Variants in AFF2 observed in about 807,000 individuals in gnomAD.
AFF2 encodes the protein ALF transcription elongation factor 2, also known as AF4/FMR2 family member 2.
A neutral mutation model predicts 76.9 loss-of-function variants in AFF2; 14 were observed. The observed-to-expected ratio is 0.18, with a 90% CI of 0.12 to 0.28. The LOEUF (loss-of-function observed/expected upper bound fraction) is 0.28. Among genes scored for constraint, AFF2 ranks in the 10% least tolerant of loss-of-function variants. The pLI is 1.00. For synonymous variants in AFF2, 398 were observed against 366.7 expected, an observed-to-expected ratio of 1.09 and a Z score of -0.98; for missense variants, 868 against 1,001.1, an observed-to-expected ratio of 0.87 and a Z score of 1.79.
chrX:148,970,444 G>C (rs1250127182), intron 15 of AFF2, among the ~76,000 whole-genome samples: 1 of 111,912 alleles, frequency 8.9e-6, no homozygotes, highest in African/African-American at 3.2e-5. Context: ...AATTAAAACA[G>C]CTAAATCTGC....
intron 4 of AFF2, among the ~76,000 whole-genome samples, chrX:148,823,517 AC>A (rs1213989100): frequency 9.8e-5 from 11 of 112,281 alleles, no homozygotes; most frequent in African/African-American, 3.6e-4. Flanking sequence ...ATATTAGACA[AC>A]ACAAAACTCA....
In AFF2 at chrX:148,955,968, C is replaced by A; in HGVS notation, c.1923C>A (p.Asp641Glu). Residue 641 changes from aspartate to glutamate, a missense_variant, in exon 11 of 21, where the codon GAC becomes GAA. This residue lies in a region of AFF2 where 532 missense variants were observed against 564.2 expected (regional missense o/e 0.94). Coordinates refer to ENST00000370460, the MANE Select transcript of AFF2 (RefSeq NM_002025.4). ...PKKVEKNTST[D>E]EFTWPKPNIT... ...AAGTTGAGAAGAACACCAGCACTGACGAGTTTACCTGGCCCAAACCAAATA... is the reference window on the plus strand; with the variant it reads ...AAGTTGAGAAGAACACCAGCACTGAAGAGTTTACCTGGCCCAAACCAAATA... The A allele has an allele frequency of 8.3e-7, 1 of 1,211,456 alleles. No individual in the cohort carries two copies. Among genetic ancestry groups the A allele is most frequent in the Non-Finnish European group, 1.1e-6 (1 of 895,478 alleles).
intron 1 of AFF2, among the ~76,000 whole-genome samples, chrX:148,611,800 T>A (rs1557249545): frequency 9.0e-6 from 1 of 111,651 alleles, no homozygotes; most frequent in Non-Finnish European, 1.9e-5. Flanking sequence ...CAGCCACTCA[T>A]TTGGCAGTTG....
At chrX:148,735,601 A>G (rs2055275805) in intron 3 of AFF2, among the ~76,000 whole-genome samples, 1 of 111,660 alleles carries the variant, frequency 9.0e-6, no homozygotes, top group Non-Finnish European at 1.9e-5. Flanking sequence ...GTTTCTTTTG[A>G]GTACCTAAAT....
chrX:148,691,012 A>G (rs1279277287), intron 3 of AFF2, among the ~76,000 whole-genome samples: 1 of 111,369 alleles, frequency 9.0e-6, no homozygotes, highest in Non-Finnish European at 1.9e-5. Context: ...ATATTCCCTC[A>G]TTTAATTTTA....
rs1313048378 is a variant in AFF2 at position 148,914,726 on chromosome X, A to G, written c.1397+10468A>G. 4.5e-5 allele frequency among the ~76,000 whole-genome samples: 5 copies of G among 112,238 alleles called. No homozygotes were observed. In the Admixed American group the frequency reaches 4.7e-4, roughly 11 times the overall value. On this transcript the variant is annotated intron_variant, in intron 9 of 20. Transcript: ENST00000370460. ...ATTTTTCAAAATGTTTCTTTCATAC[A>G]GTTCCTTTCACATTACACAAATGTC... is the stretch of plus-strand genomic sequence containing the variant.
chrX:148,847,075 T>C (rs187385888), intron 7 of AFF2, among the ~76,000 whole-genome samples: 109 of 110,799 alleles, frequency 9.8e-4, no homozygotes, highest in African/African-American at 2.9e-3. Flanking sequence ...TTAATGAAGT[T>C]ATTAAAGAGC....
chrX:148,580,731 G>GTA (rs2124345089), intron 1 of AFF2, among the ~76,000 whole-genome samples: 1 of 64,874 alleles, frequency 1.5e-5, no homozygotes, highest in South Asian at 9.6e-4. Flanking sequence ...ATATATATAT[G>GTA]TGTGTGTGTG....
At chrX:148,613,027 C>T (rs1406852001) in intron 1 of AFF2, among the ~76,000 whole-genome samples, 2 of 111,612 alleles carry the variant, frequency 1.8e-5, no homozygotes, top group Admixed American at 1.9e-4. Flanking sequence ...ATTGGAGAGG[C>T]TTTTTCCAGG....
intron 9 of AFF2, among the ~76,000 whole-genome samples, chrX:148,925,537 C>T (rs1194252591): frequency 8.0e-5 from 9 of 111,953 alleles, no homozygotes; most frequent in Non-Finnish European, 1.5e-4. Context: ...ATGGCTCTGG[C>T]CTTGGGAGTT....
chrX:148,959,972 T>C (rs1238886741), intron 12 of AFF2, among the ~76,000 whole-genome samples: 1 of 112,709 alleles, frequency 8.9e-6, no homozygotes, highest in African/African-American at 3.2e-5. Flanking sequence ...CCCAGTGGCC[T>C]GTCGCCTTCC....
chrX:148,636,144 T>C (rs2054028841), intron 1 of AFF2, among the ~76,000 whole-genome samples: 1 of 111,507 alleles, frequency 9.0e-6, no homozygotes, highest in Admixed American at 9.6e-5. Context: ...GATCATATCC[T>C]TTCTTTCCAG....
chrX:148,994,837 G>A lies in AFF2; in HGVS notation c.*3505G>A, dbSNP rs1239187993. On this transcript the variant is annotated 3_prime_UTR_variant, in exon 21 of 21. Transcript: ENST00000370460. ...AATATCTTTGAAGGCAGAATCAGTT[G>A]AGTTGTGAGGGTGAAGCCTCACATA... 1.8e-5 allele frequency: 2 copies of A among 112,422 alleles called. No homozygotes were observed. Among genetic ancestry groups the A allele is most frequent in the Non-Finnish European group, 3.8e-5 (2 of 53,270 alleles). 9.3% of individuals were successfully genotyped at this position (112,422 alleles called of 1,213,427 possible). A position where few individuals can be genotyped will look rare whatever the true frequency, so the allele number is the denominator to read the frequency against.
At chrX:148,534,199 C>T (rs1330255406) in intron 1 of AFF2, among the ~76,000 whole-genome samples, 2 of 111,770 alleles carry the variant, frequency 1.8e-5, no homozygotes, top group Non-Finnish European at 3.8e-5. Context: ...GAAAGCCTTG[C>T]TGCTTTTCTC....
chrX:148,511,616 A>G (rs1204974680), intron 1 of AFF2, among the ~76,000 whole-genome samples: 1 of 112,236 alleles, frequency 8.9e-6, no homozygotes, highest in African/African-American at 3.2e-5. Context: ...ATTATGGCAT[A>G]TACTTTACAA....
chrX:148,614,793 C>T (rs57657138), intron 1 of AFF2, among the ~76,000 whole-genome samples: 421 of 40,830 alleles, frequency 0.01, 3 homozygotes, highest in African/African-American at 0.046. Flanking sequence ...TTTCTTTCTT[C>T]CTTTCTCTCT....
At chrX:148,817,003 A>G (rs1430557525) in intron 4 of AFF2, among the ~76,000 whole-genome samples, 1 of 110,900 alleles carries the variant, frequency 9.0e-6, no homozygotes, top group African/African-American at 3.3e-5. Context: ...TTATGGAAAA[A>G]TTAAAGCTGT....
chrX:148,875,683 C>T (rs1246110233), intron 7 of AFF2, among the ~76,000 whole-genome samples: 1 of 111,151 alleles, frequency 9.0e-6, no homozygotes, highest in Admixed American at 9.6e-5. Context: ...ATTCCTTATG[C>T]AAAAAGGGAG....
intron 3 of AFF2, among the ~76,000 whole-genome samples, chrX:148,667,032 C>T (rs1029967079): frequency 3.6e-5 from 4 of 112,271 alleles, no homozygotes; most frequent in African/African-American, 9.7e-5. Context: ...ACAAAACTAA[C>T]GTGTAGAGTG....
Sources: gnomAD v4.1 joint callset for allele counts (sites outside exome capture counted in the v4.1 genomes callset) on GRCh38, gnomAD v4.1.1 for gene constraint, gnomAD v4.1.1 regional missense constraint, MANE v1.5 for transcripts, NCBI Gene and HGNC (gene_info 2026-07-23, HGNC 2026-07-21) for gene names.